The following GRIA4 variants were observed in gnomAD, a reference collection of about 807,000 sequenced individuals.
GRIA4 encodes glutamate receptor 4.
A neutral mutation model predicts 104.0 loss-of-function variants in GRIA4; 34 were observed. The observed-to-expected ratio is 0.33, with a 90% CI of 0.25 to 0.44. The LOEUF (loss-of-function observed/expected upper bound fraction) is 0.44. Ranked by LOEUF, GRIA4 falls within the 20% of genes least tolerant of loss-of-function variation. The pLI is 1.00. For synonymous variants in GRIA4, 386 were observed against 381.9 expected (o/e 1.01, Z -0.13); for missense variants, 750 against 1,096.5 (o/e 0.68, Z 4.46).
intron 3 of GRIA4, among the ~76,000 whole-genome samples, chr11:105,681,268 C>T (rs1283913982): frequency 6.6e-6 from 1 of 152,146 alleles, no homozygotes; most frequent in African/African-American, 2.4e-5. Context: ...AAGGACATGT[C>T]CTGATTCTTA....
chr11:105,766,312 G>T (rs947738244), intron 4 of GRIA4, among the ~76,000 whole-genome samples: 4 of 152,080 alleles, frequency 2.6e-5, no homozygotes, highest in Non-Finnish European at 5.9e-5. Context: ...ATGAAGAAAA[G>T]AAAATTATTC....
chr11:105,891,631 G>C (rs1946457864), intron 6 of GRIA4, among the ~76,000 whole-genome samples: 2 of 152,166 alleles, frequency 1.3e-5, no homozygotes, highest in East Asian at 3.9e-4. Context: ...CCCAATCCTA[G>C]TCAGTGGTTA....
rs536325961 is a variant in GRIA4, at chr11:105,925,767, C to G, written c.1848-974C>G. On this transcript the variant is annotated intron_variant, in intron 12 of 16. Coordinates refer to ENST00000282499, the MANE Select transcript of GRIA4 (RefSeq NM_000829.4). ...ATTAAGTTAAACCCAATAGGTGTCT[C>G]TTTTATAATAGCAAGTATTATAATA... Among the ~76,000 whole-genome samples the G allele has an allele frequency of 7.2e-5, 11 of 152,122 alleles. No homozygotes were observed. In the South Asian group the frequency reaches 2.3e-3, roughly 32 times the overall value.
chr11:105,897,838 T>TGTGTTCATC (rs777417366), intron 6 of GRIA4, among the ~76,000 whole-genome samples: 1 of 152,152 alleles, frequency 6.6e-6, no homozygotes, highest in African/African-American at 2.4e-5. Context: ...TTTTTATGTC[T>TGTGTTCATC]GTGTTCATCA....
chr11:105,797,852 C>A (rs1942551835), intron 4 of GRIA4: 1 of 453,690 alleles, frequency 2.2e-6, no homozygotes, highest in Admixed American at 2.4e-5. Flanking sequence ...GGGCCTAGCA[C>A]AGAGCTCAAT....
In GRIA4 at chr11:105,910,536, C is replaced by T; in HGVS notation, c.1260C>T (p.Thr420=). The change falls in exon 10 of 17, where the codon ACC becomes ACT. Residue 420 remains threonine (T), a synonymous_variant. Transcript: ENST00000282499. The part of the protein sequence containing the change: ...AAIENRTVVV[T]TIMESPYVMY... ...TTGAGAACAGAACAGTGGTTGTAAC[C>T]ACAATTATGGTAAGTGTTGGTCTAT... 1 of 1,501,486 alleles carries T rather than the reference C, an allele frequency of 6.7e-7. No individual in the cohort carries two copies. Among genetic ancestry groups the T allele is most frequent in the Middle Eastern group, 1.7e-4 (1 of 5,844 alleles). The allele number at this position is 1,501,486 out of a possible 1,614,324, so 93.0% of individuals were successfully genotyped here. A position where few individuals can be genotyped will look rare whatever the true frequency, so the allele number is the denominator to read the frequency against.
intron 3 of GRIA4, among the ~76,000 whole-genome samples, chr11:105,720,527 A>G (rs1275260612): frequency 6.6e-6 from 1 of 152,222 alleles, no homozygotes; most frequent in African/African-American, 2.4e-5. Flanking sequence ...TAAACAAAAT[A>G]TGTCCATAGC....
chr11:105,658,602 T>A (rs929407659), intron 3 of GRIA4, among the ~76,000 whole-genome samples: 3 of 151,704 alleles, frequency 2.0e-5, no homozygotes, highest in African/African-American at 7.3e-5. Context: ...AAAATACTCA[T>A]AAACAAAGAT....
intron 3 of GRIA4, among the ~76,000 whole-genome samples, chr11:105,746,864 G>A (rs1939690472): frequency 6.6e-6 from 1 of 152,000 alleles, no homozygotes; most frequent in Non-Finnish European, 1.5e-5. Flanking sequence ...TGATTCTCAA[G>A]GCCTTGAACC....
chr11:105,978,364 A>G (rs1377073230), intron 16 of GRIA4, among the ~76,000 whole-genome samples: 1 of 151,970 alleles, frequency 6.6e-6, no homozygotes, highest in Non-Finnish European at 1.5e-5. Flanking sequence ...CCATATCCTG[A>G]GTTCTGATTA....
At chr11:105,766,256 T>C (rs930243851) in intron 4 of GRIA4, among the ~76,000 whole-genome samples, 1 of 152,180 alleles carries the variant, frequency 6.6e-6, no homozygotes, top group African/African-American at 2.4e-5. Flanking sequence ...TGATCAAATG[T>C]GAAATATCAA....
At chr11:105,727,202 G>A (rs1006281856) in intron 3 of GRIA4, among the ~76,000 whole-genome samples, 4 of 151,904 alleles carry the variant, frequency 2.6e-5, no homozygotes, top group Non-Finnish European at 5.9e-5. Flanking sequence ...ATGACCTGAT[G>A]GAGCTGAAAA....
intron 4 of GRIA4, among the ~76,000 whole-genome samples, chr11:105,816,927 G>A (rs569004290): frequency 5.9e-5 from 9 of 152,238 alleles, no homozygotes; most frequent in African/African-American, 9.6e-5. Flanking sequence ...GGCTGAGAAG[G>A]GAGGACTGTT....
intron 4 of GRIA4, among the ~76,000 whole-genome samples, chr11:105,837,921 T>A (rs1308420393): frequency 6.6e-6 from 1 of 152,136 alleles, no homozygotes; most frequent in African/African-American, 2.4e-5. Context: ...ATCTTTCCAA[T>A]ACACTCCTAA....
At chr11:105,624,415 T>C (rs1950832531) in intron 3 of GRIA4, among the ~76,000 whole-genome samples, 1 of 152,084 alleles carries the variant, frequency 6.6e-6, no homozygotes, top group South Asian at 2.1e-4. Flanking sequence ...TGTTCAGACA[T>C]TGGCTGCTTC....
In GRIA4 at chr11:105,668,675, G is replaced by GT. The variant is rs368844903; in HGVS notation, c.247+56242dup. ...TCCTTGACAACACTTATTATCTTTT[G>GT]TCTTTTTTTTTTTTTTTGAGATAGA... On this transcript the variant is annotated intron_variant, in intron 3 of 16. Transcript: ENST00000282499. Among the ~76,000 whole-genome samples, 142 of 121,432 alleles carry GT rather than the reference G, an allele frequency of 1.2e-3. 6 individuals are homozygous for GT. Among genetic ancestry groups the GT allele is most frequent in the Middle Eastern group, 4.9e-3 (1 of 206 alleles). The allele number at this position is 121,432 out of a possible 152,430, so 79.7% of individuals were successfully genotyped here. A position where few individuals can be genotyped will look rare whatever the true frequency, so the allele number is the denominator to read the frequency against.
chr11:105,831,556 A>G (rs1044839483), intron 4 of GRIA4, among the ~76,000 whole-genome samples: 2 of 152,024 alleles, frequency 1.3e-5, no homozygotes, highest in Non-Finnish European at 2.9e-5. Context: ...GAATACAAAA[A>G]TCCTTCCTGT....
intron 4 of GRIA4, among the ~76,000 whole-genome samples, chr11:105,779,557 C>T (rs186278191): frequency 3.9e-5 from 6 of 152,034 alleles, no homozygotes; most frequent in Admixed American, 1.3e-4. Flanking sequence ...GTGGGTGCAG[C>T]GCACCAGCAT....
At position 105,634,482 on chromosome 11, in the gene GRIA4, AAAG is replaced by A. The variant is rs1280878538; in HGVS notation, c.247+22051_247+22053del. Among the ~76,000 whole-genome samples, 225 of 60,384 alleles carry A rather than the reference AAAG, an allele frequency of 3.7e-3. 5 individuals carry two copies. Among genetic ancestry groups the A allele is most frequent in the African/African-American group, 0.01 (209 of 20,788 alleles). 39.6% of individuals were successfully genotyped at this position (60,384 alleles called of 152,430 possible). A position where few individuals can be genotyped will look rare whatever the true frequency, so the allele number is the denominator to read the frequency against. ...AAGAAAGAAAGGGAAAGAAAGAAAG[AAAG>A]AAAGAAAGAAAGAAAGAAAGAAAGA... On this transcript the variant is annotated intron_variant, in intron 3 of 16. Transcript: ENST00000282499.
Sources: gnomAD v4.1 joint callset for allele counts (sites outside exome capture counted in the v4.1 genomes callset) on GRCh38, gnomAD v4.1.1 for gene constraint, MANE v1.5 for transcripts, NCBI Gene and HGNC (gene_info 2026-07-23, HGNC 2026-07-21) for gene names.